The following IGSF9 variants were observed in gnomAD, a reference collection of about 807,000 sequenced individuals.
IGSF9 encodes protein turtle homolog A.
Under a neutral mutation model 121.7 loss-of-function variants are expected in IGSF9, and 87 were observed. That is an observed-to-expected ratio of 0.71 (90% CI 0.60 to 0.85). IGSF9 has a LOEUF of 0.85. Among genes scored for constraint, IGSF9 ranks in the 40% least tolerant of loss-of-function variants. The probability of loss-of-function intolerance (pLI) is 0.00; values close to 1 mark genes in which losing one functional copy is unlikely to be tolerated. For synonymous variants in IGSF9, 640 were observed against 648.4 expected, an observed-to-expected ratio of 0.99 and a Z score of 0.20; for missense variants, 1,462 against 1,565.3, an observed-to-expected ratio of 0.93 and a Z score of 1.11.
rs554292913 is a variant in IGSF9, at chr1:159,942,871, A to G, written c.247+92T>C. ...AGCTGGAGATGAGATCAGAGCAGGG[A>G]CAAAGCCGTTCATAGGAGGCCTTGT... On this transcript the variant is annotated intron_variant, in intron 3 of 20. Coordinates refer to ENST00000368094, the MANE Select transcript of IGSF9 (RefSeq NM_001135050.2). 1.1e-5 allele frequency: 11 copies of G among 1,029,134 alleles called. No homozygotes were observed. The African/African-American group carries it at 1.6e-4, about 15-fold the overall frequency. 63.8% of individuals were successfully genotyped at this position (1,029,134 alleles called of 1,614,324 possible). A position where few individuals can be genotyped will look rare whatever the true frequency, so the allele number is the denominator to read the frequency against.
In IGSF9 at chr1:159,928,764, G is replaced by A; in HGVS notation, c.2624C>T (p.Thr875Ile). 6.8e-7 allele frequency: 1 copy of A among 1,476,896 alleles called. No individual in the cohort carries two copies. Among genetic ancestry groups the A allele is most frequent in the Non-Finnish European group, 9.0e-7 (1 of 1,112,084 alleles). The allele number at this position is 1,476,896 out of a possible 1,614,324, so 91.5% of individuals were successfully genotyped here. ...RSGREQAEPR[T>I]PAQRLARSFD... ...GGACCGGGCCAGACGCTGGGCTGGA[G>A]TCCGAGGTTCTGCCTGCTCCCGGCC... The change falls in exon 19 of 21, where the codon ACT becomes ATT. Residue 875 changes from threonine (T) to isoleucine (I), a missense_variant. Thr to Ile is a moderately conservative substitution (Grantham distance 89). This residue lies in a region of IGSF9 where 808 missense variants were observed against 815.2 expected (regional missense o/e 0.99). Coordinates refer to ENST00000368094, the MANE Select transcript of IGSF9 (RefSeq NM_001135050.2).
In IGSF9 at chr1:159,932,963, C is replaced by G. The variant is rs1362286230; in HGVS notation, c.1105-311G>C. 22 of 271,558 alleles carry G rather than the reference C, an allele frequency of 8.1e-5. No individual in the cohort carries two copies. In the East Asian group the frequency reaches 1.7e-3, roughly 21 times the overall value. The allele number at this position is 271,558 out of a possible 1,614,324, so 16.8% of individuals were successfully genotyped here. A position where few individuals can be genotyped will look rare whatever the true frequency, so the allele number is the denominator to read the frequency against. The stretch of plus-strand genomic sequence containing the variant: ...CTGCCTGCTGGGACTTCACCTGGCT[C>G]TCTTCCCAGCACTCCACAACTAAGT... On this transcript the variant is annotated intron_variant, in intron 9 of 20. Transcript: ENST00000368094. This position sits in a 1 kb window ranked among gnomAD's most constrained non-coding sequence, Gnocchi z 4.1.
chr1:159,927,097 C>A lies in IGSF9; in HGVS notation c.*248G>T, dbSNP rs10908749. ...AACTTCACACACACACACACACACA[C>A]AGAGAGAGAGAGAGAGAGAGAGAGA... is the stretch of plus-strand genomic sequence containing the variant. On this transcript the variant is annotated 3_prime_UTR_variant, in exon 21 of 21. Coordinates refer to ENST00000368094, the MANE Select transcript of IGSF9 (RefSeq NM_001135050.2). The A allele has an allele frequency of 2.7e-6, 1 of 370,040 alleles. No individual in the cohort carries two copies. Among genetic ancestry groups the A allele is most frequent in the South Asian group, 3.8e-5 (1 of 26,206 alleles). 22.9% of individuals were successfully genotyped at this position (370,040 alleles called of 1,614,324 possible).
chr1:159,938,583 C>T (rs1355849707), intron 3 of IGSF9, among the ~76,000 whole-genome samples: 1 of 152,212 alleles, frequency 6.6e-6, no homozygotes, highest in Non-Finnish European at 1.5e-5. Flanking sequence ...AAGCCCTCAG[C>T]ACCCTCCCTG....
intron 18 of IGSF9, 95 bp from the exon 19 acceptor site, chr1:159,929,113 C>G (rs1650875426): frequency 6.9e-6 from 10 of 1,440,114 alleles, no homozygotes; most frequent in Non-Finnish European, 9.3e-6. Flanking sequence ...AACAACAGAG[C>G]AGAGCTAGGA....
At chr1:159,940,521 C>T (rs1651341377) in intron 3 of IGSF9, among the ~76,000 whole-genome samples, 1 of 152,210 alleles carries the variant, frequency 6.6e-6, no homozygotes, top group African/African-American at 2.4e-5. Flanking sequence ...AAACAGGAGA[C>T]ACAGTCTCTG....
rs1650920578 is a variant in IGSF9 at position 159,929,884 on chromosome 1, T to C, written c.2149+7A>G. 6.3e-7 allele frequency: 1 copy of C among 1,575,742 alleles called. No homozygotes were observed. The highest frequency in any genetic ancestry group is 8.6e-7 in the Non-Finnish European group (1 of 1,161,378). ...CCTGGGGCTCCTCCCTCACGCCAGG[T>C]GCTCACCGGAAGTGGAGACGTTGGC... On this transcript the variant is annotated splice_region_variant and intron_variant, in intron 16 of 20. Transcript: ENST00000368094.
At chr1:159,934,130 G>C (rs941280395) in intron 9 of IGSF9, 60 bp downstream of exon 9, 1 of 1,556,344 alleles carries the variant, frequency 6.4e-7, no homozygotes, top group East Asian at 2.4e-5. Flanking sequence ...ACTCCACCCT[G>C]CTGTCCTGAG....
Position 159,927,095 on chromosome 1 carries a change from C to CAGAGAGAGAGAGAGAGAGAGAGAGAGAG in IGSF9, c.*249_*250insCTCTCTCTCTCTCTCTCTCTCTCTCTCT. On this transcript the variant is annotated 3_prime_UTR_variant, in exon 21 of 21. Transcript: ENST00000368094. ...AAAACTTCACACACACACACACACA[C>CAGAGAGAGAGAGAGAGAGAGAGAGAGAG]ACAGAGAGAGAGAGAGAGAGAGAGA... The CAGAGAGAGAGAGAGAGAGAGAGAGAGAG allele has an allele frequency of 2.2e-6, 1 of 449,592 alleles. No homozygotes were observed. The highest frequency in any genetic ancestry group is 2.8e-5 in the South Asian group (1 of 35,434). The allele number at this position is 449,592 out of a possible 1,614,324, so 27.9% of individuals were successfully genotyped here.
At position 159,929,050 on chromosome 1, in the gene IGSF9, TA is replaced by T. The variant is rs766109805; in HGVS notation, c.2370-33del. On this transcript the variant is annotated intron_variant, in intron 18 of 20. Transcript: ENST00000368094. ...AAGGACAGGAGATCAGGGTCTGTGG[TA>T]GGGGCAGGTCCCCCTCCCAGGAGCC... 17 of 1,507,828 alleles carry T rather than the reference TA, an allele frequency of 1.1e-5. No individual in the cohort carries two copies. The South Asian group carries it at 2.2e-4, about 19-fold the overall frequency. The allele number at this position is 1,507,828 out of a possible 1,614,324, so 93.4% of individuals were successfully genotyped here. A position where few individuals can be genotyped will look rare whatever the true frequency, so the allele number is the denominator to read the frequency against.
intron 9 of IGSF9, chr1:159,933,310 A>G (rs917516755): frequency 6.6e-6 from 1 of 152,332 alleles, no homozygotes; most frequent in African/African-American, 2.4e-5. Flanking sequence ...TGCTCAACAA[A>G]TTCCAGTGGC....
In IGSF9 at chr1:159,929,790, G is replaced by C. The variant is rs767946352; in HGVS notation, c.2174C>G (p.Thr725Arg). ...CTGAGGCAGGAGGCCCGGCAGCTGC[G>C]TGCGCGAAGGGTAGACCTCCAGACC... ...TSGLEVYPSR[T>R]QLPGLLPQPV... Residue 725 changes from threonine (T) to arginine (R), a missense_variant, in exon 17 of 21, where the codon ACG becomes AGG. Coordinates refer to ENST00000368094, the MANE Select transcript of IGSF9 (RefSeq NM_001135050.2). 1.1e-5 allele frequency: 18 copies of C among 1,605,872 alleles called. No individual in the cohort carries two copies. In the South Asian group the frequency reaches 2.0e-4, roughly 18 times the overall value.
At position 159,932,309 on chromosome 1, in the gene IGSF9, G is replaced by T. The variant is rs558802474; in HGVS notation, c.1245+203C>A. ...ATCTTACTTCTGGATGTGTGTGACT[G>T]ATGTCCCACCTCCCGAGCACCACCT... On this transcript the variant is annotated intron_variant, in intron 10 of 20. Coordinates refer to ENST00000368094, the MANE Select transcript of IGSF9 (RefSeq NM_001135050.2). The surrounding 1 kb of genome is among the most constrained non-coding windows in gnomAD (Gnocchi z 4.1). The T allele has an allele frequency of 2.2e-5, 13 of 604,066 alleles. No individual in the cohort carries two copies. The Admixed American group carries it at 3.2e-4, about 15-fold the overall frequency. The allele number at this position is 604,066 out of a possible 1,614,324, so 37.4% of individuals were successfully genotyped here. A position where few individuals can be genotyped will look rare whatever the true frequency, so the allele number is the denominator to read the frequency against.
chr1:159,941,165 A>G (rs560252863), intron 3 of IGSF9, among the ~76,000 whole-genome samples: 1 of 152,222 alleles, frequency 6.6e-6, no homozygotes, highest in East Asian at 1.9e-4. Flanking sequence ...CCCTAATCCA[A>G]CAGTCTCTCT....
rs181682620 is a variant in IGSF9, at chr1:159,941,443, G to A, written c.247+1520C>T. Among the ~76,000 whole-genome samples, 16 of 152,348 alleles carry A rather than the reference G, an allele frequency of 1.1e-4. No individual in the cohort carries two copies. The East Asian group carries it at 1.9e-3, about 18-fold the overall frequency. ...TCTGGCCTGACCAAGAGCTCCAGAC[G>A]GAGGTAGGGGTGTGAACAAAGGATA... On this transcript the variant is annotated intron_variant, in intron 3 of 20. Coordinates refer to ENST00000368094, the MANE Select transcript of IGSF9 (RefSeq NM_001135050.2).
chr1:159,929,284 G>T, intron 18 of IGSF9, 67 bp downstream of exon 18: 1 of 1,555,856 alleles, frequency 6.4e-7, no homozygotes. Context: ...ATGCAAAAAA[G>T]GAAGCAGAAG....
chr1:159,929,678 C>G lies in IGSF9; in HGVS notation c.2286G>C (p.Arg762=). The change falls in exon 17 of 21, where the codon CGG becomes CGC. Residue 762 remains arginine (R), a synonymous_variant. Transcript: ENST00000368094. ...TGCGGCGGCGGCGGGCAGCCCTGCG[C>G]CGGTTCAGGAGGCAGCCGGCCAGGA... The part of the protein sequence containing the change: ...VSILAGCLLN[R]RRAARRRRKR... 1 of 1,596,418 alleles carries G rather than the reference C, an allele frequency of 6.3e-7. No homozygotes were observed. Among genetic ancestry groups the G allele is most frequent in the Non-Finnish European group, 8.5e-7 (1 of 1,173,192 alleles).
chr1:159,930,347 G>T lies in IGSF9; in HGVS notation c.1906C>A (p.Pro636Thr), dbSNP rs760761022. The change falls in exon 15 of 21, where the codon CCC becomes ACC. Residue 636 changes from proline (P) to threonine (T), a missense_variant. By Grantham distance (38) the Pro-to-Thr change is conservative. Transcript: ENST00000368094. ...TCCCAATGCAGGAGTACCCCCCGGG[G>T]TGTCCTCACTGCCACCAGACCCCGC... The part of the protein sequence containing the change: ...PPRGLVAVRT[P>T]RGVLLHWDPP... The T allele has an allele frequency of 3.0e-5, 48 of 1,607,676 alleles. No homozygotes were observed. Among genetic ancestry groups the T allele is most frequent in the Non-Finnish European group, 3.7e-5 (43 of 1,176,300 alleles).
rs774392252 is a variant in IGSF9 at position 159,927,422 on chromosome 1, G to A, written c.3463C>T (p.Arg1155Cys). 41 of 1,613,988 alleles carry A rather than the reference G, an allele frequency of 2.5e-5. No individual in the cohort carries two copies. The highest frequency in any genetic ancestry group is 4.4e-5 in the South Asian group (4 of 91,090). Residue 1155 changes from arginine (R) to cysteine (C), a missense_variant, in exon 21 of 21, where the codon CGC (arginine) becomes TGC (cysteine). Arg to Cys is a radical substitution (Grantham distance 180, BLOSUM62 -3). This residue lies in a region of IGSF9 where 808 missense variants were observed against 815.2 expected (regional missense o/e 0.99). Coordinates refer to ENST00000368094, the MANE Select transcript of IGSF9 (RefSeq NM_001135050.2). Reference protein sequence around the residue: ...LREEFLAFRRRRDATRARLPA... With the variant: ...LREEFLAFRRCRDATRARLPA... ...AGCCGAGCCCTAGTAGCATCTCGGCGGCGGCGGAAGGCCAGGAATTCCTCC... is the reference window on the plus strand; with the variant it reads ...AGCCGAGCCCTAGTAGCATCTCGGCAGCGGCGGAAGGCCAGGAATTCCTCC...
Sources: gnomAD v4.1 joint callset for allele counts (sites outside exome capture counted in the v4.1 genomes callset) on GRCh38, gnomAD v4.1.1 for gene constraint, gnomAD v4.1.1 regional missense constraint, Gnocchi (gnomAD v3.1) non-coding constraint, MANE v1.5 for transcripts, NCBI Gene and HGNC (gene_info 2026-07-23, HGNC 2026-07-21) for gene names.